The following ADAMTSL1 variants were observed in gnomAD, a reference collection of about 807,000 sequenced individuals.
The protein encoded by ADAMTSL1 is ADAMTS-like protein 1.
ADAMTSL1 carries 126 observed loss-of-function variants against 201.8 expected under a neutral mutation model. That is an observed-to-expected ratio of 0.62 (90% CI 0.54 to 0.72). ADAMTSL1 has a LOEUF of 0.72. ADAMTSL1 is among the 30% of genes least tolerant of loss of function. The probability of loss-of-function intolerance (pLI) is 0.00; values close to 1 mark genes in which losing one functional copy is unlikely to be tolerated. For missense variants in ADAMTSL1, 2,679 were observed against 2,277.8 expected (o/e 1.18, Z -3.59); for synonymous variants, 1,121 against 903.4 (o/e 1.24, Z -4.32).
At chr9:18,368,772 T>G (rs1402205565) in intron 2 of ADAMTSL1, among the ~76,000 whole-genome samples, 2 of 152,264 alleles carry the variant, frequency 1.3e-5, no homozygotes, top group African/African-American at 4.8e-5. Flanking sequence ...GCCCATGTTA[T>G]GATCATTTCA....
chr9:18,557,132 C>T (rs998143582), intron 3 of ADAMTSL1, among the ~76,000 whole-genome samples: 1 of 151,996 alleles, frequency 6.6e-6, no homozygotes, highest in Admixed American at 6.6e-5. Flanking sequence ...CACAGATAGT[C>T]TTCACTGGTA....
At chr9:18,784,965 A>G (rs1821617480) in intron 19 of ADAMTSL1, among the ~76,000 whole-genome samples, 1 of 152,166 alleles carries the variant, frequency 6.6e-6, no homozygotes, top group South Asian at 2.1e-4. Context: ...AGAGATCGAG[A>G]CCATCCTGGC....
intron 1 of ADAMTSL1, among the ~76,000 whole-genome samples, chr9:18,129,324 T>C (rs1406438834): frequency 1.3e-5 from 2 of 152,192 alleles, no homozygotes; most frequent in Admixed American, 6.5e-5. Context: ...AGAGGAGAGC[T>C]GGTAGACATT....
intron 15 of ADAMTSL1, among the ~76,000 whole-genome samples, chr9:18,731,226 G>A (rs946445198): frequency 1.3e-5 from 2 of 152,170 alleles, no homozygotes; most frequent in Non-Finnish European, 2.9e-5. Flanking sequence ...AATATCATAG[G>A]GTTTTAAGAT....
intron 19 of ADAMTSL1, among the ~76,000 whole-genome samples, chr9:18,781,585 G>A (rs1458396997): frequency 1.3e-5 from 2 of 152,208 alleles, no homozygotes; most frequent in Non-Finnish European, 2.9e-5. Flanking sequence ...GGCTGTTGGT[G>A]ACCTTTCCTG....
At chr9:18,626,031 T>G (rs527740275) in intron 5 of ADAMTSL1, among the ~76,000 whole-genome samples, 9 of 152,304 alleles carry the variant, frequency 5.9e-5, no homozygotes, top group Admixed American at 5.2e-4. Flanking sequence ...TGTTATAAAG[T>G]ACAAAATACA....
At chr9:18,280,264 T>C (rs1367030857) in intron 2 of ADAMTSL1, among the ~76,000 whole-genome samples, 4 of 152,142 alleles carry the variant, frequency 2.6e-5, no homozygotes, top group Non-Finnish European at 2.9e-5. Flanking sequence ...AGTTTAGGGC[T>C]GCAGGGGCTT....
chr9:18,477,261 G>T (rs575830450), intron 1 of ADAMTSL1, among the ~76,000 whole-genome samples: 1 of 152,150 alleles, frequency 6.6e-6, no homozygotes, highest in Non-Finnish European at 1.5e-5. Flanking sequence ...AATCAAATTT[G>T]CATTTGCCTT....
intron 7 of ADAMTSL1, among the ~76,000 whole-genome samples, chr9:18,639,981 A>G (rs767192436): frequency 2.0e-4 from 30 of 152,306 alleles, no homozygotes; most frequent in Middle Eastern, 6.8e-3. Flanking sequence ...ACAATAAAAT[A>G]AAACATATTT....
rs1830546624 is a variant in ADAMTSL1 at position 18,910,615 on chromosome 9, C to T, written c.*2067C>T. 2 of 152,226 alleles carry T rather than the reference C, an allele frequency of 1.3e-5. No homozygotes were observed. Among genetic ancestry groups the T allele is most frequent in the South Asian group, 4.1e-4 (2 of 4,830 alleles). 9.4% of individuals were successfully genotyped at this position (152,226 alleles called of 1,614,324 possible). ...ATAAAGACAGACAAATTCCATACTACTACTAATGTGGTTAATTATTTCTAG... is the reference window on the plus strand; with the variant it reads ...ATAAAGACAGACAAATTCCATACTATTACTAATGTGGTTAATTATTTCTAG... On this transcript the variant is annotated 3_prime_UTR_variant, in exon 29 of 29. Transcript: ENST00000380548.
intron 20 of ADAMTSL1, among the ~76,000 whole-genome samples, chr9:18,799,835 G>A (rs146180239): frequency 6.6e-6 from 1 of 152,086 alleles, no homozygotes; most frequent in African/African-American, 2.4e-5. Flanking sequence ...AAAAATAAAA[G>A]GCAATCATTT....
intron 20 of ADAMTSL1, among the ~76,000 whole-genome samples, chr9:18,805,449 T>C (rs974302662): frequency 2.0e-5 from 3 of 152,200 alleles, no homozygotes; most frequent in Non-Finnish European, 2.9e-5. Flanking sequence ...GTTTTGCCAT[T>C]GTGTTATAGC....
At chr9:18,080,747 C>T (rs193205020) in intron 1 of ADAMTSL1, among the ~76,000 whole-genome samples, 143 of 152,266 alleles carry the variant, frequency 9.4e-4, no homozygotes, top group African/African-American at 3.2e-3. Context: ...AAGTGATTTG[C>T]CTAAGTAGTA....
At chr9:18,662,908 A>T (rs188880246) in intron 9 of ADAMTSL1, among the ~76,000 whole-genome samples, 1 of 152,206 alleles carries the variant, frequency 6.6e-6, no homozygotes, top group African/African-American at 2.4e-5. Context: ...AGAATATAAG[A>T]AAAATCTTCC....
intron 2 of ADAMTSL1, among the ~76,000 whole-genome samples, chr9:18,264,392 C>G (rs1326132536): frequency 6.6e-6 from 1 of 152,144 alleles, no homozygotes; most frequent in East Asian, 1.9e-4. Context: ...TATACCAGCC[C>G]TGACTCCTGC....
intron 16 of ADAMTSL1, among the ~76,000 whole-genome samples, chr9:18,756,076 A>AAAATATATATATAT (rs1819728814): frequency 1.2e-5 from 1 of 80,700 alleles, no homozygotes. Flanking sequence ...CTCTACTGAA[A>AAAATATATATATAT]ATATATATAT....
chr9:18,689,909 A>G (rs964906155), intron 13 of ADAMTSL1, among the ~76,000 whole-genome samples: 2 of 152,202 alleles, frequency 1.3e-5, no homozygotes, highest in African/African-American at 2.4e-5. Flanking sequence ...ACGGCTTTGC[A>G]TGGTTAGGAG....
At chr9:18,576,185 C>T (rs908502882) in intron 4 of ADAMTSL1, among the ~76,000 whole-genome samples, 1 of 151,932 alleles carries the variant, frequency 6.6e-6, no homozygotes, top group African/African-American at 2.4e-5. Context: ...GAAATAATGA[C>T]TGGTTATTAT....
At chr9:18,412,154 C>A (rs1164255263) in intron 2 of ADAMTSL1, among the ~76,000 whole-genome samples, 1 of 152,224 alleles carries the variant, frequency 6.6e-6, no homozygotes, top group Non-Finnish European at 1.5e-5. Flanking sequence ...CCCCACTTTT[C>A]CTGTTAACCA....
Sources: gnomAD v4.1 joint callset for allele counts (sites outside exome capture counted in the v4.1 genomes callset) on GRCh38, gnomAD v4.1.1 for gene constraint, MANE v1.5 for transcripts, NCBI Gene and HGNC (gene_info 2026-07-23, HGNC 2026-07-21) for gene names.